DMRT1: variants seen among roughly 807,000 people sequenced by gnomAD.
The protein encoded by DMRT1 is doublesex and mab-3 related transcription factor 1, also known as doublesex- and mab-3-related transcription factor 1.
DMRT1 carries 7 observed loss-of-function variants against 32.3 expected under a neutral mutation model. The ratio of observed to expected loss-of-function variants is 0.22; its 90% CI spans 0.12 to 0.41. The LOEUF is 0.41. DMRT1 is among the 10% of genes least tolerant of loss of function. The probability of loss-of-function intolerance (pLI) is 1.00; values close to 1 mark genes in which losing one functional copy is unlikely to be tolerated. For synonymous variants in DMRT1, 278 were observed against 206.1 expected, an observed-to-expected ratio of 1.35 and a Z score of -2.99; for missense variants, 625 against 500.5, an observed-to-expected ratio of 1.25 and a Z score of -2.37.
intron 4 of DMRT1, among the ~76,000 whole-genome samples, chr9:956,641 A>C (rs1819612404): frequency 6.6e-6 from 1 of 152,208 alleles, no homozygotes; most frequent in Non-Finnish European, 1.5e-5. Flanking sequence ...TGAAATGATA[A>C]ATGTTCTGCT....
intron 3 of DMRT1, among the ~76,000 whole-genome samples, chr9:900,701 T>G (rs1313309279): frequency 6.6e-6 from 1 of 151,810 alleles, no homozygotes; most frequent in Non-Finnish European, 1.5e-5. Flanking sequence ...TTTTTTTTTT[T>G]GGAGACAGCG....
At position 860,229 on chromosome 9, in the gene DMRT1, G is replaced by A. The variant is rs554636978; in HGVS notation, c.538+13086G>A. Among the ~76,000 whole-genome samples the A allele has an allele frequency of 1.8e-3, 270 of 152,100 alleles. 4 individuals are homozygous for A. Among genetic ancestry groups the A allele is most frequent in the Non-Finnish European group, 2.3e-3 (154 of 68,030 alleles). ...GGAGAATGGCTTGAACCCTGGAGGC[G>A]GAGGTTGCAGGGAGCCGAGATCGTG... On this transcript the variant is annotated intron_variant, in intron 2 of 4. Coordinates refer to ENST00000382276, the MANE Select transcript of DMRT1 (RefSeq NM_021951.3).
intron 4 of DMRT1, among the ~76,000 whole-genome samples, chr9:919,489 G>C (rs751209031): frequency 1.1e-4 from 17 of 152,112 alleles, no homozygotes; most frequent in Non-Finnish European, 2.4e-4. Flanking sequence ...GCTTTTCTTT[G>C]TAAAAGGATA....
chr9:942,178 A>G (rs2175057), intron 4 of DMRT1, among the ~76,000 whole-genome samples: 4,943 of 152,274 alleles, frequency 0.032, 317 homozygotes, highest in East Asian at 0.18. Context: ...AAATCTTTTG[A>G]TTAACTTTTC....
chr9:847,021 T>C lies in DMRT1; in HGVS notation c.416T>C (p.Leu139Pro). The C allele has an allele frequency of 6.2e-7, 1 of 1,614,160 alleles. No individual in the cohort carries two copies. Among genetic ancestry groups the C allele is most frequent in the Non-Finnish European group, 8.5e-7 (1 of 1,180,038 alleles). ...EELGISHPIP[L>P]PSAAELLVKR... ...TTGGGTATCAGCCACCCCATCCCACTGCCCAGTGCGGCCGAGCTGCTTGTC... is the reference window on the plus strand; with the variant it reads ...TTGGGTATCAGCCACCCCATCCCACCGCCCAGTGCGGCCGAGCTGCTTGTC... Residue 139 changes from leucine to proline, a missense_variant, in exon 2 of 5, where the codon CTG becomes CCG. Leu to Pro is a moderately conservative substitution (Grantham distance 98, BLOSUM62 -3). Coordinates refer to ENST00000382276, the MANE Select transcript of DMRT1 (RefSeq NM_021951.3).
At chr9:878,995 T>G (rs867949131) in intron 2 of DMRT1, among the ~76,000 whole-genome samples, 2 of 152,192 alleles carry the variant, frequency 1.3e-5, no homozygotes, top group South Asian at 2.1e-4. Context: ...TGTGTCATTC[T>G]TAATGCCTGT....
chr9:963,741 GA>G (rs1295809576), intron 4 of DMRT1, among the ~76,000 whole-genome samples: 1 of 152,206 alleles, frequency 6.6e-6, no homozygotes, highest in Non-Finnish European at 1.5e-5. Context: ...TTCCACTCTG[GA>G]AAAGAGTTCT....
intron 2 of DMRT1, among the ~76,000 whole-genome samples, chr9:875,314 A>C (rs1019238706): frequency 6.6e-6 from 1 of 152,196 alleles, no homozygotes; most frequent in Non-Finnish European, 1.5e-5. Context: ...GGTGCTGCCC[A>C]CAGACTTTGC....
At chr9:874,597 A>G (rs918723114) in intron 2 of DMRT1, among the ~76,000 whole-genome samples, 1 of 152,134 alleles carries the variant, frequency 6.6e-6, no homozygotes, top group African/African-American at 2.4e-5. Context: ...AAAAAGGGCC[A>G]TGATGCCTGA....
At chr9:882,652 C>T (rs879273048) in intron 2 of DMRT1, among the ~76,000 whole-genome samples, 8 of 152,006 alleles carry the variant, frequency 5.3e-5, no homozygotes, top group Non-Finnish European at 1.2e-4. Context: ...GACCTGCTCA[C>T]CTTGAAGGCC....
chr9:884,025 T>G (rs1816832471), intron 2 of DMRT1, among the ~76,000 whole-genome samples: 1 of 152,152 alleles, frequency 6.6e-6, no homozygotes, highest in African/African-American at 2.4e-5. Context: ...TGACCTCATG[T>G]GAATCACAAG....
chr9:907,579 G>C (rs1261739957), intron 3 of DMRT1, among the ~76,000 whole-genome samples: 5 of 152,098 alleles, frequency 3.3e-5, no homozygotes, highest in Non-Finnish European at 7.3e-5. Flanking sequence ...CCTTTTAGAG[G>C]TACTTGCATC....
chr9:863,947 G>A (rs1163512911), intron 2 of DMRT1, among the ~76,000 whole-genome samples: 2 of 152,082 alleles, frequency 1.3e-5, no homozygotes, highest in African/African-American at 4.8e-5. Context: ...TTTTTGATAT[G>A]AGGTGCAAGT....
intron 2 of DMRT1, among the ~76,000 whole-genome samples, chr9:890,755 C>A (rs1308064633): frequency 1.3e-5 from 2 of 152,150 alleles, no homozygotes; most frequent in Non-Finnish European, 2.9e-5. Flanking sequence ...CATTCTGTCA[C>A]CCAGGCTGGA....
chr9:947,111 C>T (rs1172663757), intron 4 of DMRT1, among the ~76,000 whole-genome samples: 1 of 152,184 alleles, frequency 6.6e-6, no homozygotes, highest in Admixed American at 6.5e-5. Context: ...GAACCCTACC[C>T]CATTTAGTGG....
chr9:850,681 C>T (rs972891941), intron 2 of DMRT1, among the ~76,000 whole-genome samples: 2 of 152,072 alleles, frequency 1.3e-5, no homozygotes, highest in Non-Finnish European at 2.9e-5. Context: ...GTCTAATTAG[C>T]TTTTTTCATT....
At chr9:936,323 A>G (rs963141246) in intron 4 of DMRT1, among the ~76,000 whole-genome samples, 2 of 152,154 alleles carry the variant, frequency 1.3e-5, no homozygotes, top group Non-Finnish European at 2.9e-5. Context: ...TAGTAGCTCT[A>G]TGGTTATGAA....
intron 4 of DMRT1, among the ~76,000 whole-genome samples, chr9:925,136 C>T (rs1818479413): frequency 6.6e-6 from 1 of 152,134 alleles, no homozygotes; most frequent in African/African-American, 2.4e-5. Flanking sequence ...AGGGTGTGTG[C>T]CCACACGGAG....
rs1322308091 is a variant in DMRT1, at chr9:965,541, A to G, written c.968-2444A>G. ...TATTGTCAAATTCCTTTCTTTTGCAAAATTCCCACTCCTCCCCTTTTCAGT... is the reference window on the plus strand; with the variant it reads ...TATTGTCAAATTCCTTTCTTTTGCAGAATTCCCACTCCTCCCCTTTTCAGT... On this transcript the variant is annotated intron_variant, in intron 4 of 4. Coordinates refer to ENST00000382276, the MANE Select transcript of DMRT1 (RefSeq NM_021951.3). This position sits in a 1 kb window ranked among gnomAD's most constrained non-coding sequence, Gnocchi z 4.5. Among the ~76,000 whole-genome samples the G allele has an allele frequency of 6.6e-6, 1 of 152,216 alleles. No individual in the cohort carries two copies. The highest frequency in any genetic ancestry group is 6.5e-5 in the Admixed American group (1 of 15,280).
Sources: gnomAD v4.1 joint callset for allele counts (sites outside exome capture counted in the v4.1 genomes callset) on GRCh38, gnomAD v4.1.1 for gene constraint, Gnocchi (gnomAD v3.1) non-coding constraint, MANE v1.5 for transcripts, NCBI Gene and HGNC (gene_info 2026-07-23, HGNC 2026-07-21) for gene names.